SORCS2: variants seen among roughly 807,000 people sequenced by gnomAD.
SORCS2 encodes VPS10 domain-containing receptor SorCS2.
Under a neutral mutation model 141.6 loss-of-function variants are expected in SORCS2, and 100 were observed. The ratio of observed to expected loss-of-function variants is 0.71; its 90% confidence interval spans 0.60 to 0.83. SORCS2 has a LOEUF of 0.83. SORCS2 is among the 40% of genes least tolerant of loss of function. The probability of loss-of-function intolerance (pLI) is 0.00; values close to 1 mark genes in which losing one functional copy is unlikely to be tolerated. For missense variants in SORCS2, 1,646 were observed against 1,560.2 expected, an observed-to-expected ratio of 1.05 and a Z score of -0.93; for synonymous variants, 789 against 676.9, an observed-to-expected ratio of 1.17 and a Z score of -2.57.
chr4:7,695,092 G>T (rs999042799), intron 11 of SORCS2, among the ~76,000 whole-genome samples: 10 of 151,768 alleles, frequency 6.6e-5, no homozygotes, highest in African/African-American at 2.2e-4. Flanking sequence ...GGGCTGTGCA[G>T]AGAGTAGACA....
At chr4:7,262,309 A>ACCTATCCATCCATCCAC (rs1714395209) in intron 1 of SORCS2, among the ~76,000 whole-genome samples, 1 of 141,362 alleles carries the variant, frequency 7.1e-6, no homozygotes, top group African/African-American at 2.6e-5. Context: ...CATCCATCCA[A>ACCTATCCATCCATCCAC]CCACCTATCC....
At chr4:7,474,354 T>A (rs1282178096) in intron 2 of SORCS2, among the ~76,000 whole-genome samples, 3 of 152,180 alleles carry the variant, frequency 2.0e-5, no homozygotes, top group African/African-American at 7.2e-5. Flanking sequence ...CAGCCTCTCT[T>A]TATGGCCTGA....
At chr4:7,512,953 C>G (rs1185610249) in intron 2 of SORCS2, among the ~76,000 whole-genome samples, 2 of 152,210 alleles carry the variant, frequency 1.3e-5, no homozygotes, top group Non-Finnish European at 2.9e-5. Flanking sequence ...ACACCTCCCT[C>G]CAGGCCGCAG....
At chr4:7,341,019 G>A (rs1489808480) in intron 1 of SORCS2, among the ~76,000 whole-genome samples, 2 of 152,228 alleles carry the variant, frequency 1.3e-5, no homozygotes, top group African/African-American at 4.8e-5. Flanking sequence ...CACAGCATGA[G>A]CAGCAAAGGA....
At chr4:7,309,369 C>T (rs563702264) in intron 1 of SORCS2, among the ~76,000 whole-genome samples, 8 of 152,268 alleles carry the variant, frequency 5.3e-5, no homozygotes, top group East Asian at 1.9e-4. Flanking sequence ...GTAAACCACA[C>T]GGGAGCCTCA....
At chr4:7,553,459 G>A (rs769240608) in intron 3 of SORCS2, among the ~76,000 whole-genome samples, 1 of 152,214 alleles carries the variant, frequency 6.6e-6, no homozygotes, top group Non-Finnish European at 1.5e-5. Flanking sequence ...GAAAAAGTCT[G>A]ATCTCAGAAT....
intron 1 of SORCS2, among the ~76,000 whole-genome samples, chr4:7,357,997 T>A (rs1721356004): frequency 6.6e-6 from 1 of 152,212 alleles, no homozygotes; most frequent in Admixed American, 6.5e-5. Flanking sequence ...GCATGCTTCC[T>A]CCTGAAAATA....
At position 7,733,327 on chromosome 4, in the gene SORCS2, C is replaced by A. The variant is rs761900207; in HGVS notation, c.3114C>A (p.Leu1038=). The change falls in exon 24 of 27, where the codon CTC becomes CTA. Residue 1038 remains leucine, a synonymous_variant. Coordinates refer to ENST00000507866, the MANE Select transcript of SORCS2 (RefSeq NM_020777.3). ...TGTCCCCTCTGTGCTTGCAGAGGCT[C>A]GCCGCCATCCAGCAGGTGCTGAACG... The part of the protein sequence containing the change: ...RKRSLSSDKR[L]AAIQQVLNAQ... The A allele has an allele frequency of 5.2e-6, 8 of 1,548,172 alleles. No homozygotes were observed. The highest frequency in any genetic ancestry group is 4.1e-5 in the African/African-American group (3 of 73,056).
intron 3 of SORCS2, among the ~76,000 whole-genome samples, chr4:7,555,239 C>G (rs938875382): frequency 5.3e-5 from 8 of 152,260 alleles, no homozygotes; most frequent in Non-Finnish European, 5.9e-5. Flanking sequence ...ATTAAACTGT[C>G]TTGTTTTAAT....
intron 3 of SORCS2, among the ~76,000 whole-genome samples, chr4:7,574,490 G>C (rs1405986738): frequency 6.6e-6 from 1 of 152,194 alleles, no homozygotes; most frequent in Non-Finnish European, 1.5e-5. Context: ...TCAGCTACGT[G>C]TGTGTTATGC....
At chr4:7,547,599 G>A (rs2109617930) in intron 3 of SORCS2, among the ~76,000 whole-genome samples, 1 of 152,244 alleles carries the variant, frequency 6.6e-6, no homozygotes, top group Non-Finnish European at 1.5e-5. Flanking sequence ...CATTCTTTGT[G>A]GCCAATTCCT....
intron 1 of SORCS2, among the ~76,000 whole-genome samples, chr4:7,196,916 C>A (rs972611123): frequency 2.6e-5 from 4 of 152,296 alleles, no homozygotes; most frequent in South Asian, 2.1e-4. Context: ...TGGCCTCTCC[C>A]CAAGTTTGCG....
rs999790016 is a variant in SORCS2, at chr4:7,201,581, C to T, written c.480+8455C>T. ...TTCGATGGAGAGCAGACTGGAGTGA[C>T]GGGCGAATCAGCTGGGACGCTGCCG... is the stretch of plus-strand genomic sequence containing the variant. On this transcript the variant is annotated intron_variant, in intron 1 of 26. Transcript: ENST00000507866. The surrounding 1 kb of genome is among the most constrained non-coding windows in gnomAD (Gnocchi z 4.4). Among the ~76,000 whole-genome samples, 14 of 152,164 alleles carry T rather than the reference C, an allele frequency of 9.2e-5. No homozygotes were observed. The highest frequency in any genetic ancestry group is 2.4e-4 in the African/African-American group (10 of 41,460).
chr4:7,541,302 G>A (rs1166531710), intron 3 of SORCS2, among the ~76,000 whole-genome samples: 1 of 152,202 alleles, frequency 6.6e-6, no homozygotes, highest in Non-Finnish European at 1.5e-5. Context: ...AGGGTGCCTC[G>A]TGGGACCCCA....
intron 10 of SORCS2, 106 bp from the exon 11 acceptor site, chr4:7,689,380 C>G: frequency 9.6e-7 from 1 of 1,047,056 alleles, no homozygotes; most frequent in Non-Finnish European, 1.4e-6. Context: ...CCTGGCCCAG[C>G]CTTCTCTCCC....
chr4:7,449,659 G>A (rs1728316049), intron 2 of SORCS2, among the ~76,000 whole-genome samples: 1 of 151,898 alleles, frequency 6.6e-6, no homozygotes, highest in Non-Finnish European at 1.5e-5. Context: ...TTGGCTCTGT[G>A]CAAGGTCCTC....
At chr4:7,430,674 A>G (rs1043839517) in intron 2 of SORCS2, 1 of 152,194 alleles carries the variant, frequency 6.6e-6, no homozygotes, top group Admixed American at 6.5e-5. Flanking sequence ...TGGGAAATCC[A>G]TGCTCAACAT....
intron 3 of SORCS2, among the ~76,000 whole-genome samples, chr4:7,570,259 GGAGCCCAGGCACAGGCAGGCCGCT>G (rs1459387956): frequency 6.6e-6 from 1 of 152,222 alleles, no homozygotes; most frequent in East Asian, 1.9e-4. Flanking sequence ...AGAGGCCGGT[GGAGCCCAGGCACAGGCAGGCCGCT>G]GAGCCTGTGT....
intron 6 of SORCS2, among the ~76,000 whole-genome samples, chr4:7,662,758 A>G (rs780853250): frequency 1.3e-5 from 2 of 152,110 alleles, no homozygotes; most frequent in Non-Finnish European, 2.9e-5. Context: ...CACCAATTTC[A>G]TCTAGGTGGC....
Sources: gnomAD v4.1 joint callset for allele counts (sites outside exome capture counted in the v4.1 genomes callset) on GRCh38, gnomAD v4.1.1 for gene constraint, Gnocchi (gnomAD v3.1) non-coding constraint, MANE v1.5 for transcripts, NCBI Gene and HGNC (gene_info 2026-07-23, HGNC 2026-07-21) for gene names.